CCDC186: variants seen among roughly 807,000 people sequenced by gnomAD.
The protein encoded by CCDC186 is coiled-coil domain containing 186.
CCDC186 carries 49 observed loss-of-function variants against 113.7 expected under a neutral mutation model. The ratio of observed to expected loss-of-function variants is 0.43; its 90% CI spans 0.34 to 0.55. The LOEUF is 0.55. Ranked by LOEUF, CCDC186 falls within the 20% of genes least tolerant of loss-of-function variation. The pLI is 0.02. For missense variants in CCDC186, 890 were observed against 1,011.1 expected, an observed-to-expected ratio of 0.88 and a Z score of 1.62; for synonymous variants, 355 against 345.8, an observed-to-expected ratio of 1.03 and a Z score of -0.30.
intron 9 of CCDC186, among the ~76,000 whole-genome samples, chr10:114,135,440 T>C (rs184901841): frequency 3.9e-5 from 6 of 152,312 alleles, no homozygotes; most frequent in Admixed American, 2.6e-4. Context: ...ATATTCATAT[T>C]AGAAGACATA....
intron 2 of CCDC186, among the ~76,000 whole-genome samples, chr10:114,160,269 C>CAAAAAAA (rs78640501): frequency 8.8e-6 from 1 of 114,220 alleles, no homozygotes; most frequent in Non-Finnish European, 1.9e-5. Flanking sequence ...AACTCCACCT[C>CAAAAAAA]AAAAAAAAAA....
intron 3 of CCDC186, among the ~76,000 whole-genome samples, chr10:114,154,381 C>A (rs547244987): frequency 2.0e-5 from 3 of 151,886 alleles, no homozygotes; most frequent in Non-Finnish European, 2.9e-5. Flanking sequence ...GACATTACTA[C>A]TGACCTTATA....
chr10:114,137,280 T>A lies in CCDC186; in HGVS notation c.1232A>T (p.Asp411Val), dbSNP rs773153999. 1 of 1,613,220 alleles carries A rather than the reference T, an allele frequency of 6.2e-7. No homozygotes were observed. Among genetic ancestry groups the A allele is most frequent in the South Asian group, 1.1e-5 (1 of 91,064 alleles). Reference sequence around the variant, plus strand: ...TTTTGTTGTTGTTTCTTTGAGTTTATCTTTGGTTTCCTGCATTGACAAAAG... The same window carrying A: ...TTTTGTTGTTGTTTCTTTGAGTTTAACTTTGGTTTCCTGCATTGACAAAAG... ...AEMDSHKETK[D>V]KLKETTTKLT... Residue 411 changes from aspartate (D) to valine (V), a missense_variant, in exon 7 of 16, where the codon GAT becomes GTT. Physicochemically the swap from Asp to Val is radical, Grantham distance 152. Coordinates refer to ENST00000369287, the MANE Select transcript of CCDC186 (RefSeq NM_018017.4).
chr10:114,170,888 T>C (rs1039258372), intron 1 of CCDC186, among the ~76,000 whole-genome samples: 3 of 150,514 alleles, frequency 2.0e-5, no homozygotes, highest in African/African-American at 7.3e-5. Context: ...AACTCCCAAA[T>C]AGTACCAAAT....
intron 7 of CCDC186, among the ~76,000 whole-genome samples, chr10:114,136,451 G>A (rs921233671): frequency 2.6e-5 from 4 of 152,044 alleles, no homozygotes; most frequent in Non-Finnish European, 5.9e-5. Flanking sequence ...TTTCATCCTC[G>A]AGTGTGTTTA....
intron 1 of CCDC186, among the ~76,000 whole-genome samples, chr10:114,167,799 T>TAAAAA (rs60257583): frequency 2.8e-5 from 2 of 71,300 alleles, no homozygotes; most frequent in African/African-American, 5.9e-5. Context: ...CTAATCTCCG[T>TAAAAA]AAAAAAAAAA....
In CCDC186 at chr10:114,121,226, G is replaced by C. The variant is rs1055895753; in HGVS notation, c.*3917C>G. 16 of 151,780 alleles carry C rather than the reference G, an allele frequency of 1.1e-4. No individual in the cohort carries two copies. Among genetic ancestry groups the C allele is most frequent in the Non-Finnish European group, 1.5e-4 (10 of 67,948 alleles). 9.4% of individuals were successfully genotyped at this position (151,780 alleles called of 1,614,324 possible). ...TTCAGGTTTCTAGTGCCACCAACTG[G>C]TGTTAATTAAAAATCAACAATCTTG... is the stretch of plus-strand genomic sequence containing the variant. On this transcript the variant is annotated 3_prime_UTR_variant, in exon 16 of 16. Transcript: ENST00000369287.
At chr10:114,169,591 A>G (rs1318959839) in intron 1 of CCDC186, among the ~76,000 whole-genome samples, 1 of 152,152 alleles carries the variant, frequency 6.6e-6, no homozygotes, top group African/African-American at 2.4e-5. Flanking sequence ...AGTAATATCC[A>G]TTAAGCAAAC....
intron 1 of CCDC186, among the ~76,000 whole-genome samples, chr10:114,166,232 C>A (rs962928973): frequency 3.9e-5 from 6 of 152,180 alleles, no homozygotes; most frequent in Admixed American, 3.9e-4. Context: ...TCAACACATT[C>A]CTGAAATCCT....
chr10:114,150,971 A>T lies in CCDC186; in HGVS notation c.888+121T>A. ...TGGCCTAATGGCTTACTTTTATATA[A>T]AAGAATCACCTAGTATTAATACAAT... On this transcript the variant is annotated intron_variant, in intron 4 of 15. Transcript: ENST00000369287. 6 of 1,185,582 alleles carry T rather than the reference A, an allele frequency of 5.1e-6. 1 individual carries two copies. In the South Asian group the frequency reaches 8.6e-5, roughly 17 times the overall value. The allele number at this position is 1,185,582 out of a possible 1,614,324, so 73.4% of individuals were successfully genotyped here.
rs2032558349 is a variant in CCDC186 at position 114,173,082 on chromosome 10, G to GA, written c.-62+932dup. The GA allele has an allele frequency of 8.0e-5, 30 of 376,464 alleles. 1 individual carries two copies. The highest frequency in any genetic ancestry group is 2.1e-4 in the South Asian group (11 of 53,584). The allele number at this position is 376,464 out of a possible 1,614,324, so 23.3% of individuals were successfully genotyped here. ...CAACACCCGGCCTATCGTTTTGGAA[G>GA]AAAAAAAAGCTGGGCATCAAAGGAA... On this transcript the variant is annotated intron_variant, in intron 1 of 15. Coordinates refer to ENST00000369287, the MANE Select transcript of CCDC186 (RefSeq NM_018017.4).
intron 6 of CCDC186, among the ~76,000 whole-genome samples, chr10:114,139,286 G>A (rs1359112356): frequency 1.3e-5 from 2 of 151,576 alleles, no homozygotes; most frequent in Non-Finnish European, 2.9e-5. Flanking sequence ...TAATAGGCCA[G>A]GTGCAGTGGC....
At position 114,134,848 on chromosome 10, in the gene CCDC186, G is replaced by GA. The variant is rs1157642221; in HGVS notation, c.1655+64dup. 4.2e-5 allele frequency: 65 copies of GA among 1,532,892 alleles called. No homozygotes were observed. In the South Asian group the frequency reaches 6.3e-4, roughly 15 times the overall value. The allele number at this position is 1,532,892 out of a possible 1,614,324, so 95.0% of individuals were successfully genotyped here. A position where few individuals can be genotyped will look rare whatever the true frequency, so the allele number is the denominator to read the frequency against. ...TTGTTTAATGCAATAACTGCATTTA[G>GA]AAAATCTTGAAATAAAATTTAAAAG... On this transcript the variant is annotated intron_variant, in intron 10 of 15. Coordinates refer to ENST00000369287, the MANE Select transcript of CCDC186 (RefSeq NM_018017.4).
intron 6 of CCDC186, among the ~76,000 whole-genome samples, chr10:114,143,228 T>G (rs1006025728): frequency 6.6e-6 from 1 of 152,208 alleles, no homozygotes; most frequent in Non-Finnish European, 1.5e-5. Context: ...AAGCTGCCAT[T>G]AAGATCTCTT....
chr10:114,146,020 C>T (rs1215234946), intron 4 of CCDC186, among the ~76,000 whole-genome samples: 1 of 152,198 alleles, frequency 6.6e-6, no homozygotes, highest in Non-Finnish European at 1.5e-5. Flanking sequence ...TTTCCACGTA[C>T]TCCTCCAGAT....
At chr10:114,126,214 ATAACC>A (rs767226735) in intron 14 of CCDC186, 109 bp from the exon 15 acceptor site, 17 of 757,760 alleles carry the variant, frequency 2.2e-5, no homozygotes, top group Non-Finnish European at 3.4e-5. Context: ...TATTAGGTTA[ATAACC>A]TAACTATATT....
In CCDC186 at chr10:114,162,342, T is replaced by C. The variant is rs1306450006; in HGVS notation, c.632+295A>G. 3.5e-5 allele frequency: 7 copies of C among 198,012 alleles called. No individual in the cohort carries two copies. The East Asian group carries it at 8.5e-4, about 24-fold the overall frequency. 12.3% of individuals were successfully genotyped at this position (198,012 alleles called of 1,614,324 possible). ...TTGTTATTTCCTTTTGAGTTTCTCTTAGTTTTGACAATATACTTCTACATT... is the reference window on the plus strand; with the variant it reads ...TTGTTATTTCCTTTTGAGTTTCTCTCAGTTTTGACAATATACTTCTACATT... On this transcript the variant is annotated intron_variant, in intron 2 of 15. Transcript: ENST00000369287.
intron 1 of CCDC186, among the ~76,000 whole-genome samples, chr10:114,171,746 G>C (rs978377560): frequency 1.3e-5 from 2 of 151,968 alleles, no homozygotes; most frequent in African/African-American, 2.4e-5. Context: ...TAGTAAGTGC[G>C]GTAGACATTA....
chr10:114,125,434 G>C (rs1450895920), intron 15 of CCDC186, among the ~76,000 whole-genome samples: 1 of 152,066 alleles, frequency 6.6e-6, no homozygotes, highest in Non-Finnish European at 1.5e-5. Flanking sequence ...TTCTACTGAA[G>C]CTACAGCAAT....
Sources: gnomAD v4.1 joint callset for allele counts (sites outside exome capture counted in the v4.1 genomes callset) on GRCh38, gnomAD v4.1.1 for gene constraint, MANE v1.5 for transcripts, NCBI Gene and HGNC (gene_info 2026-07-23, HGNC 2026-07-21) for gene names.